Variants in SH3D21 observed in about 807,000 individuals in gnomAD.
The protein encoded by SH3D21 is SH3 domain-containing protein 21.
In SH3D21, 83 loss-of-function variants were observed where a neutral mutation model predicts 82.1. The ratio of observed to expected loss-of-function variants is 1.01; its 90% CI spans 0.85 to 1.21. The LOEUF (loss-of-function observed/expected upper bound fraction) is 1.21. Among genes scored for constraint, SH3D21 ranks in the 50% most tolerant of loss-of-function variants. SH3D21 has a pLI of 0.00. For synonymous variants in SH3D21, 383 were observed against 387.8 expected, an observed-to-expected ratio of 0.99 and a Z score of 0.15; for missense variants, 980 against 962.1, an observed-to-expected ratio of 1.02 and a Z score of -0.25.
At chr1:36,318,973 C>G in intron 10 of SH3D21, 98 bp from the exon 11 acceptor site, 1 of 666,142 alleles carries the variant, frequency 1.5e-6, no homozygotes, top group Non-Finnish European at 2.7e-6. Flanking sequence ...GGCGCATAGT[C>G]AAACAAGATT....
rs1276675437 is a variant in SH3D21 at position 36,307,002 on chromosome 1, C to T, written c.226+97C>T. On this transcript the variant is annotated intron_variant, in intron 3 of 15. Transcript: ENST00000453908. The surrounding 1 kb of genome is among the most constrained non-coding windows in gnomAD (Gnocchi z 5.4). ...TCTTAGTGACGGGCGCGGCTCTGGGCGGGACCTCGGGGCCGCCCTGCGGTC... is the reference window on the plus strand; with the variant it reads ...TCTTAGTGACGGGCGCGGCTCTGGGTGGGACCTCGGGGCCGCCCTGCGGTC... 1.4e-6 allele frequency: 2 copies of T among 1,403,264 alleles called. No individual in the cohort carries two copies. The highest frequency in any genetic ancestry group is 3.0e-5 in the Admixed American group (1 of 33,328). 86.9% of individuals were successfully genotyped at this position (1,403,264 alleles called of 1,614,324 possible).
downstream of SH3D21, chr1:36,322,757 G>A: frequency 6.5e-7 from 1 of 1,537,318 alleles, no homozygotes. Context: ...TCACGGAGAG[G>A]CCCGGACGGG....
At chr1:36,317,220 T>A (rs1485354430) in intron 10 of SH3D21, among the ~76,000 whole-genome samples, 2 of 152,034 alleles carry the variant, frequency 1.3e-5, no homozygotes, top group Non-Finnish European at 2.9e-5. Context: ...CCCTACAAGG[T>A]GTGTGTTAGT....
At chr1:36,313,984 TTTTTTTTTGAGACGGAGTCTCGC>T (rs1646293469) in intron 10 of SH3D21, among the ~76,000 whole-genome samples, 1 of 43,852 alleles carries the variant, frequency 2.3e-5, no homozygotes, top group Non-Finnish European at 5.6e-5. Flanking sequence ...TTTTTTTTTT[TTTTTTTTTGAGACGGAGTCTCGC>T]TCTGTCACCC....
chr1:36,323,193 T>G, downstream of SH3D21: 1 of 768,438 alleles, frequency 1.3e-6, no homozygotes. Flanking sequence ...TTCCCTAACT[T>G]CGTGGCGGCC....
intron 10 of SH3D21, among the ~76,000 whole-genome samples, chr1:36,316,763 CTTTT>C (rs34474512): frequency 8.1e-5 from 11 of 135,680 alleles, no homozygotes; most frequent in Admixed American, 7.3e-5. Context: ...AGTTCTCTCT[CTTTT>C]TTTTTTTTTT....
In SH3D21 at chr1:36,320,268, AC is replaced by A; in HGVS notation, c.1610del (p.Pro537HisfsTer14). The A allele has an allele frequency of 6.2e-7, 1 of 1,612,662 alleles. No homozygotes were observed. Among genetic ancestry groups the A allele is most frequent in the Non-Finnish European group, 8.5e-7 (1 of 1,179,800 alleles). Reference sequence around the variant, plus strand: ...AGGAGGAGGCCCACACGCCAGAGGCACCCCCACCCCAGCCTCCTTCCTCAGA... The same window carrying A: ...AGGAGGAGGCCCACACGCCAGAGGCACCCCACCCCAGCCTCCTTCCTCAGA... ...SQEEAHTPEA[P>X]PPQPPSSERC... On this transcript the variant is annotated frameshift_variant, in exon 14 of 16. Transcript: ENST00000453908. LOFTEE classifies it high-confidence loss of function.
chr1:36,307,009 T>C lies in SH3D21; in HGVS notation c.226+104T>C. On this transcript the variant is annotated intron_variant, in intron 3 of 15. Transcript: ENST00000453908. This position sits in a 1 kb window ranked among gnomAD's most constrained non-coding sequence, Gnocchi z 5.4. Reference sequence around the variant, plus strand: ...GACGGGCGCGGCTCTGGGCGGGACCTCGGGGCCGCCCTGCGGTCTGTGATT... The same window carrying C: ...GACGGGCGCGGCTCTGGGCGGGACCCCGGGGCCGCCCTGCGGTCTGTGATT... 3 of 1,411,276 alleles carry C rather than the reference T, an allele frequency of 2.1e-6. No homozygotes were observed. Among genetic ancestry groups the C allele is most frequent in the Non-Finnish European group, 2.8e-6 (3 of 1,076,346 alleles). 87.4% of individuals were successfully genotyped at this position (1,411,276 alleles called of 1,614,324 possible).
intron 10 of SH3D21, among the ~76,000 whole-genome samples, chr1:36,312,719 A>G (rs898127789): frequency 6.6e-6 from 1 of 152,018 alleles, no homozygotes; most frequent in Non-Finnish European, 1.5e-5. Context: ...TCTTCTTTTT[A>G]CTGTCTTTTG....
chr1:36,321,287 C>T lies in SH3D21; in HGVS notation c.*160C>T. ...CTGCGCGGGGGCAGGGCCTGGGCCT[C>T]CGCATTCCTGACGGTCCCTCCCAGG... On this transcript the variant is annotated 3_prime_UTR_variant, in exon 16 of 16. Coordinates refer to ENST00000453908, the MANE Select transcript of SH3D21 (RefSeq NM_001162530.2). The surrounding 1 kb of genome is among the most constrained non-coding windows in gnomAD (Gnocchi z 6.1). 2 of 1,443,970 alleles carry T rather than the reference C, an allele frequency of 1.4e-6. No homozygotes were observed. The highest frequency in any genetic ancestry group is 2.7e-5 in the Admixed American group (1 of 36,392). 89.4% of individuals were successfully genotyped at this position (1,443,970 alleles called of 1,614,324 possible). A position where few individuals can be genotyped will look rare whatever the true frequency, so the allele number is the denominator to read the frequency against.
Position 36,308,188 on chromosome 1 carries a change from C to T in SH3D21, c.618C>T (p.Asp206=), listed in dbSNP as rs1464833687. The part of the protein sequence containing the change: ...APDELALRRG[D]VVKVLSKTTE... ...ACGAGTTGGCGCTGCGGAGGGGGGA[C>T]GTGGTAAAAGTACTCAGCAAGGTGT... Residue 206 remains aspartate, a synonymous_variant, in exon 8 of 16, where the codon GAC becomes GAT. Coordinates refer to ENST00000453908, the MANE Select transcript of SH3D21 (RefSeq NM_001162530.2). 4 of 1,543,688 alleles carry T rather than the reference C, an allele frequency of 2.6e-6. No homozygotes were observed. The highest frequency in any genetic ancestry group is 1.2e-5 in the South Asian group (1 of 82,610).
rs754557919 is a variant in SH3D21 at position 36,320,698 on chromosome 1, AACT to A, written c.2038_2040del (p.Tyr680del). On this transcript the variant is annotated inframe_deletion, in exon 14 of 16. Transcript: ENST00000453908. ...CGCGCTCCCCTCGCTGGTCCCGCAA[AACT>A]ACACGGAAAACAAGAATGAAGGAGT... The A allele has an allele frequency of 2.5e-6, 4 of 1,614,142 alleles. No individual in the cohort carries two copies. In the South Asian group the frequency reaches 4.4e-5, roughly 18 times the overall value.
intron 10 of SH3D21, among the ~76,000 whole-genome samples, chr1:36,313,967 A>ATTTTTTTTTTTTTTTTTTTTTTTTTT (rs1207014644): frequency 1.1e-4 from 4 of 36,874 alleles, no homozygotes; most frequent in East Asian, 8.6e-4. Context: ...TGCTGAACAT[A>ATTTTTTTTTTTTTTTTTTTTTTTTTT]TTTTCTTTTT....
chr1:36,309,677 T>C, intron 10 of SH3D21, 87 bp downstream of exon 10: 1 of 1,444,676 alleles, frequency 6.9e-7, no homozygotes, highest in Non-Finnish European at 9.5e-7. Context: ...AGCACCCCAG[T>C]GGTCCAGTAT....
chr1:36,327,645 A>T (rs1372431192), downstream of SH3D21: 1 of 1,190,522 alleles, frequency 8.4e-7, no homozygotes, highest in Non-Finnish European at 1.1e-6. Context: ...GTGGAGCAGG[A>T]TGAGGGTTGA....
chr1:36,326,293 G>A (rs776269405), downstream of SH3D21, among the ~76,000 whole-genome samples: 8 of 151,280 alleles, frequency 5.3e-5, no homozygotes, highest in Admixed American at 2.0e-4. Context: ...GTACAAAGGC[G>A]CGATCTCTGC....
intron 10 of SH3D21, among the ~76,000 whole-genome samples, chr1:36,316,909 A>C (rs1475014509): frequency 6.6e-6 from 1 of 150,710 alleles, no homozygotes; most frequent in Non-Finnish European, 1.5e-5. Flanking sequence ...GACTGAAAGC[A>C]CTGGGATTAC....
At position 36,306,405 on chromosome 1, in the gene SH3D21, G is replaced by A. The variant is rs1286517648; in HGVS notation, c.-16G>A. 1 of 1,305,298 alleles carries A rather than the reference G, an allele frequency of 7.7e-7. No individual in the cohort carries two copies. Among genetic ancestry groups the A allele is most frequent in the African/African-American group, 1.5e-5 (1 of 65,878 alleles). 80.9% of individuals were successfully genotyped at this position (1,305,298 alleles called of 1,614,324 possible). A position where few individuals can be genotyped will look rare whatever the true frequency, so the allele number is the denominator to read the frequency against. Reference sequence around the variant, plus strand: ...TCAGAGGGAGCTGCCAGGCTCTGGAGGGCGCCCCGGAAACCATGGGTAAGT... The same window carrying A: ...TCAGAGGGAGCTGCCAGGCTCTGGAAGGCGCCCCGGAAACCATGGGTAAGT... On this transcript the variant is annotated 5_prime_UTR_variant, in exon 1 of 16. Coordinates refer to ENST00000453908, the MANE Select transcript of SH3D21 (RefSeq NM_001162530.2). The surrounding 1 kb of genome is among the most constrained non-coding windows in gnomAD (Gnocchi z 4.5).
In SH3D21 at chr1:36,306,981, A is replaced by G. The variant is rs1017650289; in HGVS notation, c.226+76A>G. 5.9e-6 allele frequency: 8 copies of G among 1,366,528 alleles called. No homozygotes were observed. In the Admixed American group the frequency reaches 1.9e-4, roughly 32 times the overall value. 84.7% of individuals were successfully genotyped at this position (1,366,528 alleles called of 1,614,324 possible). A position where few individuals can be genotyped will look rare whatever the true frequency, so the allele number is the denominator to read the frequency against. On this transcript the variant is annotated intron_variant, in intron 3 of 15. Transcript: ENST00000453908. The surrounding 1 kb of genome is among the most constrained non-coding windows in gnomAD (Gnocchi z 4.5). ...TGCGACCCCGGCGTCTCCGGCTCTT[A>G]GTGACGGGCGCGGCTCTGGGCGGGA...
Sources: gnomAD v4.1 joint callset for allele counts (sites outside exome capture counted in the v4.1 genomes callset) on GRCh38, gnomAD v4.1.1 for gene constraint, Gnocchi (gnomAD v3.1) non-coding constraint, MANE v1.5 for transcripts, NCBI Gene and HGNC (gene_info 2026-07-23, HGNC 2026-07-21) for gene names.